Variants in HTR2C observed in about 807,000 individuals in gnomAD.
The protein encoded by HTR2C is 5-hydroxytryptamine (serotonin) receptor 2C, G protein-coupled.
In HTR2C, 5 loss-of-function variants were observed where a neutral mutation model predicts 21.0. The observed-to-expected ratio is 0.24, with a 90% CI of 0.12 to 0.50. The LOEUF (loss-of-function observed/expected upper bound fraction) is 0.50. Among genes scored for constraint, HTR2C ranks in the 20% least tolerant of loss-of-function variants. The pLI is 0.98. For synonymous variants in HTR2C, 150 were observed against 145.3 expected (o/e 1.03, Z -0.23); for missense variants, 271 against 371.2 (o/e 0.73, Z 2.22).
chrX:114,689,207 C>CATAT (rs1556414745), intron 2 of HTR2C, among the ~76,000 whole-genome samples: 1 of 10,155 alleles, frequency 9.8e-5, no homozygotes, highest in South Asian at 4.5e-3. Context: ...GGTATGTATG[C>CATAT]GTATATATAT....
At chrX:114,606,407 G>A (rs1259316445) in intron 1 of HTR2C, among the ~76,000 whole-genome samples, 1 of 111,763 alleles carries the variant, frequency 8.9e-6, no homozygotes, top group Non-Finnish European at 1.9e-5. Flanking sequence ...CCCTTGAAAC[G>A]TGGGTGTATA....
At chrX:114,784,636 C>CT (rs1284761708) in intron 4 of HTR2C, among the ~76,000 whole-genome samples, 24 of 101,414 alleles carry the variant, frequency 2.4e-4, no homozygotes, top group East Asian at 9.4e-4. Context: ...AGTTGCCTTC[C>CT]TTTTTTTTTT....
intron 2 of HTR2C, among the ~76,000 whole-genome samples, chrX:114,716,087 T>C (rs2147325686): frequency 8.9e-6 from 1 of 112,946 alleles, no homozygotes; most frequent in East Asian, 2.8e-4. Context: ...TTTGAAAACC[T>C]TCAGTTTGTT....
At position 114,906,845 on chromosome X, in the gene HTR2C, G is replaced by A. The variant is rs782626623; in HGVS notation, c.807G>A (p.Arg269=). 8.3e-7 allele frequency: 1 copy of A among 1,208,710 alleles called. No homozygotes were observed. ...LSLDFLKCCK[R]NTAEEENSAN... ...TGGATTTCCTGAAGTGCTGCAAGAG[G>A]AATACGGCCGAGGAAGAGAACTCTG... Residue 269 remains arginine (R), a synonymous_variant, in exon 6 of 6, where the codon AGG becomes AGA. Transcript: ENST00000276198.
intron 2 of HTR2C, among the ~76,000 whole-genome samples, chrX:114,658,823 C>T (rs1930878505): frequency 9.0e-6 from 1 of 111,493 alleles, no homozygotes; most frequent in African/African-American, 3.3e-5. Context: ...CAGGCCAAGT[C>T]CACTAATATG....
chrX:114,761,857 CTCTA>C (rs200084458), intron 4 of HTR2C, among the ~76,000 whole-genome samples: 1 of 59,299 alleles, frequency 1.7e-5, no homozygotes, highest in African/African-American at 5.8e-5. Flanking sequence ...AAAGATTACT[CTCTA>C]TCTCTCTCTC....
chrX:114,851,007 T>C (rs2070913019), intron 5 of HTR2C, among the ~76,000 whole-genome samples: 1 of 111,493 alleles, frequency 9.0e-6, no homozygotes, highest in African/African-American at 3.3e-5. Context: ...TGAAAGAAGA[T>C]TACTTACTAT....
intron 4 of HTR2C, chrX:114,763,137 C>T (rs1457100281): frequency 8.0e-6 from 1 of 125,619 alleles, no homozygotes; most frequent in African/African-American, 3.2e-5. Context: ...TTCATCATCT[C>T]CCACTGGGCA....
chrX:114,587,311 G>T lies in HTR2C; in HGVS notation c.-147+2652G>T, dbSNP rs781837719. The stretch of plus-strand genomic sequence containing the variant: ...AGACTATTTGTCCAGTATTATTAAG[G>T]AGCATCTTACCACCTCACTTTCATA... On this transcript the variant is annotated intron_variant, in intron 1 of 5. Coordinates refer to ENST00000276198, the MANE Select transcript of HTR2C (RefSeq NM_000868.4). Among the ~76,000 whole-genome samples the T allele has an allele frequency of 1.5e-4, 17 of 111,252 alleles. No individual in the cohort carries two copies. The East Asian group carries it at 4.5e-3, about 30-fold the overall frequency.
chrX:114,832,650 G>A lies in HTR2C; in HGVS notation c.350-15353G>A, dbSNP rs1428522623. Among the ~76,000 whole-genome samples, 2 of 35,133 alleles carry A rather than the reference G, an allele frequency of 5.7e-5. 1 individual carries two copies. The highest frequency in any genetic ancestry group is 1.2e-4 in the African/African-American group (2 of 17,326). 30.5% of individuals were successfully genotyped at this position (35,133 alleles called of 115,157 possible). ...TACAATCATGTCGTCTGCAAACAGGGGCAATTTGACTTCCTCTTTTCCTAA... is the reference window on the plus strand; with the variant it reads ...TACAATCATGTCGTCTGCAAACAGGAGCAATTTGACTTCCTCTTTTCCTAA... On this transcript the variant is annotated intron_variant, in intron 4 of 5. Transcript: ENST00000276198.
At chrX:114,707,392 G>T (rs1028402241) in intron 2 of HTR2C, among the ~76,000 whole-genome samples, 15 of 110,146 alleles carry the variant, frequency 1.4e-4, no homozygotes, top group Non-Finnish European at 2.5e-4. Context: ...TGGCACTCCA[G>T]CCTTTCTCAA....
At chrX:114,767,080 T>C (rs2069953862) in intron 4 of HTR2C, among the ~76,000 whole-genome samples, 2 of 111,685 alleles carry the variant, frequency 1.8e-5, no homozygotes, top group Admixed American at 1.9e-4. Flanking sequence ...TTTATTTCTG[T>C]TTTTATTCTG....
chrX:114,591,196 CTTTTAGTTTTAAATGTAATGTTA>C (rs1556391083), intron 1 of HTR2C, among the ~76,000 whole-genome samples: 1 of 110,858 alleles, frequency 9.0e-6, no homozygotes, highest in Non-Finnish European at 1.9e-5. Flanking sequence ...AGGCCTGTAT[CTTTTAGTTTTAAATGTAATGTTA>C]GTCTAAAATA....
intron 4 of HTR2C, among the ~76,000 whole-genome samples, chrX:114,776,999 A>G (rs2070065164): frequency 8.9e-6 from 1 of 112,352 alleles, no homozygotes; most frequent in African/African-American, 3.2e-5. Flanking sequence ...TCATCTGCTG[A>G]ATTAAAACAG....
intron 2 of HTR2C, among the ~76,000 whole-genome samples, chrX:114,706,459 A>C (rs1193745260): frequency 3.7e-4 from 4 of 10,833 alleles, no homozygotes; most frequent in African/African-American, 6.1e-4. Flanking sequence ...ATTGCAAGGA[A>C]AAAAAACCAA....
chrX:114,628,417 T>TTA (rs1395046541), intron 2 of HTR2C, among the ~76,000 whole-genome samples: 1 of 94,213 alleles, frequency 1.1e-5, no homozygotes, highest in African/African-American at 3.9e-5. Context: ...TTTTTTTTTT[T>TTA]TTTTTTTTTT....
At chrX:114,704,140 A>G (rs1405044802) in intron 2 of HTR2C, among the ~76,000 whole-genome samples, 1 of 111,384 alleles carries the variant, frequency 9.0e-6, no homozygotes, top group East Asian at 2.8e-4. Flanking sequence ...ACAAGGAGGA[A>G]CTGGTACCAT....
intron 2 of HTR2C, among the ~76,000 whole-genome samples, chrX:114,698,462 A>T (rs113209448): frequency 3.0e-5 from 1 of 33,163 alleles, no homozygotes; most frequent in Non-Finnish European, 6.1e-5. Context: ...ACACACAAAC[A>T]CACACACACA....
intron 2 of HTR2C, among the ~76,000 whole-genome samples, chrX:114,623,045 A>G (rs950511321): frequency 1.4e-4 from 16 of 112,201 alleles, no homozygotes; most frequent in Admixed American, 4.7e-4. Context: ...ACCTGTGATC[A>G]GGTTTCCCAC....
Sources: allele counts gnomAD v4.1 joint callset (sites outside exome capture counted in the v4.1 genomes callset), GRCh38; gene constraint gnomAD v4.1.1; transcripts MANE v1.5; gene names NCBI Gene and HGNC (gene_info 2026-07-23, HGNC 2026-07-21).